Variants in CFAP299 observed in about 807,000 individuals in gnomAD.
CFAP299 encodes the protein cilia- and flagella-associated protein 299.
In CFAP299, 21 loss-of-function variants were observed where a neutral mutation model predicts 27.0. The observed-to-expected ratio is 0.78, with a 90% CI of 0.55 to 1.12. CFAP299 has a LOEUF of 1.12. CFAP299 is among the 50% of genes most tolerant of loss of function. The pLI is 0.00. For missense variants in CFAP299, 310 were observed against 276.6 expected, an observed-to-expected ratio of 1.12 and a Z score of -0.86; for synonymous variants, 104 against 98.1, an observed-to-expected ratio of 1.06 and a Z score of -0.36.
At chr4:80,463,227 C>T (rs1179825203) in intron 2 of CFAP299, among the ~76,000 whole-genome samples, 1 of 151,914 alleles carries the variant, frequency 6.6e-6, no homozygotes, top group East Asian at 1.9e-4. Context: ...AAACATCAGC[C>T]TAAACACTCA....
chr4:80,704,983 A>G (rs1428149240), intron 3 of CFAP299, among the ~76,000 whole-genome samples: 1 of 151,796 alleles, frequency 6.6e-6, no homozygotes, highest in Non-Finnish European at 1.5e-5. Flanking sequence ...TAGAGCTATT[A>G]CCCTTAGGCC....
At chr4:80,542,741 G>GTT (rs1050264138) in intron 2 of CFAP299, among the ~76,000 whole-genome samples, 1 of 146,488 alleles carries the variant, frequency 6.8e-6, no homozygotes. Flanking sequence ...CATTGCCATA[G>GTT]TTTTTTTTTT....
intron 3 of CFAP299, among the ~76,000 whole-genome samples, chr4:80,786,104 T>A (rs571257223): frequency 2.2e-4 from 33 of 152,278 alleles, no homozygotes; most frequent in South Asian, 1.7e-3. Context: ...ATTTAACCAG[T>A]AAACTAGTTA....
At chr4:80,536,692 A>T (rs972213274) in intron 2 of CFAP299, among the ~76,000 whole-genome samples, 1 of 152,130 alleles carries the variant, frequency 6.6e-6, no homozygotes, top group Non-Finnish European at 1.5e-5. Context: ...GTCATCTCAC[A>T]TCATGTAACA....
intron 3 of CFAP299, among the ~76,000 whole-genome samples, chr4:80,702,399 T>C (rs1276320212): frequency 6.6e-6 from 1 of 151,868 alleles, no homozygotes; most frequent in Non-Finnish European, 1.5e-5. Flanking sequence ...ATAAATTATC[T>C]CTCTGCTTTT....
intron 3 of CFAP299, among the ~76,000 whole-genome samples, chr4:80,774,697 C>A (rs1441361173): frequency 1.3e-5 from 2 of 151,908 alleles, no homozygotes; most frequent in African/African-American, 4.8e-5. Context: ...ACACTGTTGG[C>A]AAAATTAGTA....
chr4:80,886,182 C>T (rs1733960422), intron 4 of CFAP299, among the ~76,000 whole-genome samples: 1 of 152,138 alleles, frequency 6.6e-6, no homozygotes, highest in Non-Finnish European at 1.5e-5. Context: ...CTAGCTTAAC[C>T]ACAGTAGAAT....
intron 3 of CFAP299, among the ~76,000 whole-genome samples, chr4:80,812,421 A>G (rs1729203448): frequency 6.6e-6 from 1 of 152,090 alleles, no homozygotes; most frequent in Non-Finnish European, 1.5e-5. Flanking sequence ...AGGATTGAAT[A>G]AAGAAAATTT....
intron 2 of CFAP299, among the ~76,000 whole-genome samples, chr4:80,444,223 C>T (rs375764909): frequency 5.3e-5 from 8 of 152,176 alleles, no homozygotes; most frequent in Non-Finnish European, 1.2e-4. Context: ...ATAGCCAAGA[C>T]AATGCTAAGC....
At chr4:80,853,083 T>A (rs1731619180) in intron 3 of CFAP299, among the ~76,000 whole-genome samples, 1 of 152,180 alleles carries the variant, frequency 6.6e-6, no homozygotes, top group African/African-American at 2.4e-5. Flanking sequence ...CAGGCTGGAG[T>A]GCAGTGGCAT....
intron 3 of CFAP299, among the ~76,000 whole-genome samples, chr4:80,701,030 A>G (rs1721442984): frequency 1.3e-5 from 2 of 152,082 alleles, no homozygotes; most frequent in Admixed American, 1.3e-4. Flanking sequence ...TAAGAGGCTA[A>G]GCTGGAGCGG....
At chr4:80,808,932 GATGCAGAGAAA>G (rs1364037678) in intron 3 of CFAP299, among the ~76,000 whole-genome samples, 4 of 152,036 alleles carry the variant, frequency 2.6e-5, no homozygotes, top group Admixed American at 6.6e-5. Flanking sequence ...ATATCTTCCA[GATGCAGAGAAA>G]ATGCAGAGAG....
chr4:80,392,382 C>A (rs567062284), intron 2 of CFAP299, among the ~76,000 whole-genome samples: 1 of 152,058 alleles, frequency 6.6e-6, no homozygotes, highest in African/African-American at 2.4e-5. Context: ...TAGTATAGTT[C>A]GGCTGTGTCC....
chr4:80,399,201 G>T (rs889439698), intron 2 of CFAP299, among the ~76,000 whole-genome samples: 2 of 152,192 alleles, frequency 1.3e-5, no homozygotes, highest in African/African-American at 4.8e-5. Context: ...ACATATGCTG[G>T]AGAGGATGCA....
At chr4:80,538,597 T>A (rs1348036556) in intron 2 of CFAP299, among the ~76,000 whole-genome samples, 2 of 152,066 alleles carry the variant, frequency 1.3e-5, no homozygotes, top group East Asian at 3.9e-4. Context: ...GTACCTTTTA[T>A]AAGTTTAGAT....
chr4:80,398,605 A>C (rs1725952954), intron 2 of CFAP299, among the ~76,000 whole-genome samples: 1 of 113,670 alleles, frequency 8.8e-6, no homozygotes, highest in Admixed American at 1.0e-4. Flanking sequence ...TTCCCTATTT[A>C]ATAAATGGTT....
chr4:80,657,867 A>G (rs1377359293), intron 3 of CFAP299, among the ~76,000 whole-genome samples: 2 of 152,140 alleles, frequency 1.3e-5, no homozygotes, highest in Non-Finnish European at 2.9e-5. Context: ...ATGAGCATAG[A>G]ACGTTTTCCA....
chr4:80,603,728 A>G (rs1263311791), intron 3 of CFAP299, among the ~76,000 whole-genome samples: 1 of 152,234 alleles, frequency 6.6e-6, no homozygotes, highest in Admixed American at 6.5e-5. Context: ...GAAGTAATGC[A>G]TTATTCATCT....
chr4:80,349,616 G>C (rs1253652839), intron 1 of CFAP299, among the ~76,000 whole-genome samples: 5 of 152,090 alleles, frequency 3.3e-5, no homozygotes, highest in Admixed American at 2.0e-4. Flanking sequence ...AGTGAAAATA[G>C]TATGATTTGT....
Sources: allele counts gnomAD v4.1 joint callset (sites outside exome capture counted in the v4.1 genomes callset), GRCh38; gene constraint gnomAD v4.1.1; transcripts MANE v1.5; gene names NCBI Gene and HGNC (gene_info 2026-07-23, HGNC 2026-07-21).